Variants in KIF16B observed in about 807,000 individuals in gnomAD.
The protein encoded by KIF16B is kinesin family member 16B.
A neutral mutation model predicts 156.3 loss-of-function variants in KIF16B; 98 were observed. The ratio of observed to expected loss-of-function variants is 0.63; its 90% CI spans 0.53 to 0.74. The LOEUF is 0.74. Among genes scored for constraint, KIF16B ranks in the 30% least tolerant of loss-of-function variants. The probability of loss-of-function intolerance (pLI) is 0.00; values close to 1 mark genes in which losing one functional copy is unlikely to be tolerated. For synonymous variants in KIF16B, 564 were observed against 583.7 expected (o/e 0.97, Z 0.49); for missense variants, 1,421 against 1,606.5 (o/e 0.88, Z 1.97).
chr20:16,275,485 T>C (rs918039256), intron 25 of KIF16B, among the ~76,000 whole-genome samples: 2 of 152,214 alleles, frequency 1.3e-5, no homozygotes, highest in African/African-American at 4.8e-5. Context: ...ATGTTATCCT[T>C]ACACTTGGCC....
chr20:16,494,490 C>A, intron 11 of KIF16B, 140 bp from the exon 12 acceptor site: 1 of 571,720 alleles, frequency 1.7e-6, no homozygotes, highest in Non-Finnish European at 3.1e-6. Context: ...CTGAAAGAAC[C>A]ATCACCAAAG....
chr20:16,403,405 C>A (rs1340285806), intron 17 of KIF16B, among the ~76,000 whole-genome samples: 5 of 152,140 alleles, frequency 3.3e-5, no homozygotes, highest in Non-Finnish European at 7.4e-5. Flanking sequence ...AAGTACTTAC[C>A]ATTTAGTTGC....
intron 12 of KIF16B, among the ~76,000 whole-genome samples, chr20:16,430,845 G>T (rs889041086): frequency 1.4e-5 from 2 of 142,480 alleles, no homozygotes; most frequent in Non-Finnish European, 3.0e-5. Flanking sequence ...CTGTGTGTGT[G>T]TATGTATATA....
Position 16,438,142 on chromosome 20 carries a change from G to A in KIF16B, c.1303-8160C>T, listed in dbSNP as rs113906421. Among the ~76,000 whole-genome samples, 686 of 151,804 alleles carry A rather than the reference G, an allele frequency of 4.5e-3. 3 individuals are homozygous for A. The highest frequency in any genetic ancestry group is 0.024 in the Middle Eastern group (7 of 294). On this transcript the variant is annotated intron_variant, in intron 12 of 25. Coordinates refer to ENST00000354981, the MANE Select transcript of KIF16B (RefSeq NM_024704.5). The stretch of plus-strand genomic sequence containing the variant: ...AGCCTGGGTGACAAAGCAAGACTCC[G>A]TCTCAAAAAAAAAGAAAAAGTCATT...
intron 5 of KIF16B, 73 bp from the exon 6 acceptor site, chr20:16,511,600 C>A: frequency 1.1e-6 from 1 of 888,214 alleles, no homozygotes. Flanking sequence ...CACATAACAG[C>A]AGCAACCTGC....
At chr20:16,550,846 A>C (rs2070622385) in intron 1 of KIF16B, among the ~76,000 whole-genome samples, 1 of 151,674 alleles carries the variant, frequency 6.6e-6, no homozygotes, top group Admixed American at 6.6e-5. Flanking sequence ...ATGCATTCTA[A>C]ACTAGAAGTT....
rs1459503204 is a variant in KIF16B at position 16,272,956 on chromosome 20, T to C, written c.*297A>G. On this transcript the variant is annotated 3_prime_UTR_variant, in exon 26 of 26. Coordinates refer to ENST00000354981, the MANE Select transcript of KIF16B (RefSeq NM_024704.5). ...CACGATGGCCCAACCACATCTATCTTGCCACAGGGGACGAACTTTGCTGCG... is the reference window on the plus strand; with the variant it reads ...CACGATGGCCCAACCACATCTATCTCGCCACAGGGGACGAACTTTGCTGCG... The C allele has an allele frequency of 3.5e-6, 1 of 282,448 alleles. No individual in the cohort carries two copies. The highest frequency in any genetic ancestry group is 7.7e-5 in the East Asian group (1 of 13,046). The allele number at this position is 282,448 out of a possible 1,614,324, so 17.5% of individuals were successfully genotyped here. A position where few individuals can be genotyped will look rare whatever the true frequency, so the allele number is the denominator to read the frequency against.
intron 19 of KIF16B, among the ~76,000 whole-genome samples, chr20:16,375,384 T>C (rs1011798332): frequency 3.9e-5 from 6 of 152,210 alleles, no homozygotes; most frequent in Non-Finnish European, 7.3e-5. Flanking sequence ...CTGTCAACCC[T>C]CTGGTGTCAC....
At chr20:16,417,126 A>C (rs1205024577) in intron 15 of KIF16B, among the ~76,000 whole-genome samples, 1 of 152,176 alleles carries the variant, frequency 6.6e-6, no homozygotes, top group Non-Finnish European at 1.5e-5. Context: ...GGAAGACCCG[A>C]GGGAGGCAGA....
chr20:16,417,979 A>G (rs2066132862), intron 15 of KIF16B, among the ~76,000 whole-genome samples: 1 of 152,152 alleles, frequency 6.6e-6, no homozygotes, highest in South Asian at 2.1e-4. Context: ...AAATTAACAA[A>G]TAATGGTTGA....
intron 14 of KIF16B, among the ~76,000 whole-genome samples, chr20:16,428,703 G>C (rs1344753701): frequency 2.0e-5 from 3 of 152,152 alleles, no homozygotes; most frequent in African/African-American, 7.2e-5. Flanking sequence ...ATGGAATGTA[G>C]GGTGGGAGAA....
At chr20:16,491,207 G>A (rs2068279590) in intron 12 of KIF16B, among the ~76,000 whole-genome samples, 1 of 152,080 alleles carries the variant, frequency 6.6e-6, no homozygotes, top group Admixed American at 6.6e-5. Flanking sequence ...AAGACACCAG[G>A]AAACCCAAAG....
intron 17 of KIF16B, among the ~76,000 whole-genome samples, chr20:16,396,698 C>T (rs1053266020): frequency 7.2e-6 from 1 of 138,234 alleles, no homozygotes; most frequent in Non-Finnish European, 1.5e-5. Context: ...ATAATGAACA[C>T]ATTAAAGTAA....
Position 16,489,696 on chromosome 20 carries a change from C to CA in KIF16B, c.1302+4594dup, listed in dbSNP as rs36070522. Among the ~76,000 whole-genome samples, 367 of 125,622 alleles carry CA rather than the reference C, an allele frequency of 2.9e-3. 1 individual carries two copies. Among genetic ancestry groups the CA allele is most frequent in the South Asian group, 0.012 (44 of 3,778 alleles). 82.4% of individuals were successfully genotyped at this position (125,622 alleles called of 152,430 possible). A position where few individuals can be genotyped will look rare whatever the true frequency, so the allele number is the denominator to read the frequency against. On this transcript the variant is annotated intron_variant, in intron 12 of 25. Coordinates refer to ENST00000354981, the MANE Select transcript of KIF16B (RefSeq NM_024704.5). ...TGGGTGACAGAGTAAAATCCTGTCTCAAAAAAAAAAAAAAAATTCAGCACT... is the reference window on the plus strand; with the variant it reads ...TGGGTGACAGAGTAAAATCCTGTCTCAAAAAAAAAAAAAAAAATTCAGCACT...
At chr20:16,449,787 T>C (rs1463367184) in intron 12 of KIF16B, among the ~76,000 whole-genome samples, 3 of 152,130 alleles carry the variant, frequency 2.0e-5, no homozygotes, top group East Asian at 1.9e-4. Flanking sequence ...GTGAGAAAAT[T>C]ACTGGAAAAA....
intron 12 of KIF16B, among the ~76,000 whole-genome samples, chr20:16,477,211 A>G (rs2067843826): frequency 7.0e-6 from 1 of 142,800 alleles, no homozygotes; most frequent in African/African-American, 2.6e-5. Context: ...CTCTCCTTAA[A>G]AAAAAAAAAA....
chr20:16,362,766 C>T (rs2123209304), intron 22 of KIF16B, among the ~76,000 whole-genome samples: 1 of 152,232 alleles, frequency 6.6e-6, no homozygotes, highest in Admixed American at 6.5e-5. Flanking sequence ...AGTAGGATCA[C>T]CATAAATATC....
At chr20:16,504,928 G>GA (rs11482078) in intron 9 of KIF16B, among the ~76,000 whole-genome samples, 36,087 of 149,846 alleles carry the variant, frequency 0.24, 4,911 homozygotes, top group East Asian at 0.36. Context: ...CTACTGTCTG[G>GA]AAAAAAAAAC....
chr20:16,320,884 T>C (rs1348007497), intron 24 of KIF16B, among the ~76,000 whole-genome samples: 1 of 152,212 alleles, frequency 6.6e-6, no homozygotes, highest in African/African-American at 2.4e-5. Flanking sequence ...AACATTTCAA[T>C]TTAAAAAATA....
Sources: gnomAD v4.1 joint callset for allele counts (sites outside exome capture counted in the v4.1 genomes callset) on GRCh38, gnomAD v4.1.1 for gene constraint, MANE v1.5 for transcripts, NCBI Gene and HGNC (gene_info 2026-07-23, HGNC 2026-07-21) for gene names.